ROR1: variants seen among roughly 807,000 people sequenced by gnomAD.
ROR1 encodes the protein ROR family WNT receptor 1.
In ROR1, 19 loss-of-function variants were observed where a neutral mutation model predicts 78.8. The ratio of observed to expected loss-of-function variants is 0.24; its 90% CI spans 0.17 to 0.35. The LOEUF is 0.35. Among genes scored for constraint, ROR1 ranks in the 10% least tolerant of loss-of-function variants. The pLI, the probability that ROR1 is intolerant of heterozygous loss-of-function variation, is 1.00. For synonymous variants in ROR1, 386 were observed against 433.6 expected (o/e 0.89, Z 1.36); for missense variants, 917 against 1,177.8 (o/e 0.78, Z 3.24).
chr1:63,805,267 C>T (rs969890620), intron 1 of ROR1, among the ~76,000 whole-genome samples: 4 of 152,170 alleles, frequency 2.6e-5, no homozygotes, highest in African/African-American at 4.8e-5. Context: ...CAGGCTTGGC[C>T]GTGGGTGTAG....
chr1:63,944,204 C>A (rs569718606), intron 1 of ROR1, among the ~76,000 whole-genome samples: 2 of 152,168 alleles, frequency 1.3e-5, no homozygotes, highest in African/African-American at 2.4e-5. Flanking sequence ...AAAGAACCTA[C>A]TTCCCAGGAG....
At chr1:64,092,131 G>A (rs897595473) in intron 4 of ROR1, among the ~76,000 whole-genome samples, 2 of 105,892 alleles carry the variant, frequency 1.9e-5, no homozygotes, top group African/African-American at 7.1e-5. Context: ...CTTCCTCCCT[G>A]CATGCCTCCC....
At chr1:63,941,176 A>G (rs1645836505) in intron 1 of ROR1, among the ~76,000 whole-genome samples, 1 of 152,218 alleles carries the variant, frequency 6.6e-6, no homozygotes, top group Admixed American at 6.5e-5. Context: ...TCTGAAGTAC[A>G]TTATTGAAAC....
intron 4 of ROR1, among the ~76,000 whole-genome samples, chr1:64,104,971 A>G (rs1647735826): frequency 6.6e-6 from 1 of 152,218 alleles, no homozygotes; most frequent in Non-Finnish European, 1.5e-5. Context: ...CTTTGGGCAT[A>G]TACCCAGTAA....
intron 5 of ROR1, among the ~76,000 whole-genome samples, chr1:64,138,383 C>T (rs193030134): frequency 1.3e-5 from 2 of 152,028 alleles, no homozygotes; most frequent in East Asian, 1.9e-4. Flanking sequence ...AAAATGTAAC[C>T]GTTGTCTTTT....
At chr1:63,815,163 C>A (rs1473788558) in intron 1 of ROR1, among the ~76,000 whole-genome samples, 2 of 152,318 alleles carry the variant, frequency 1.3e-5, no homozygotes, top group East Asian at 3.9e-4. Flanking sequence ...CTGACCCTCC[C>A]TCAACAGCCC....
intron 1 of ROR1, among the ~76,000 whole-genome samples, chr1:63,834,847 G>A (rs1645010650): frequency 6.6e-6 from 1 of 152,058 alleles, no homozygotes; most frequent in Non-Finnish European, 1.5e-5. Flanking sequence ...AGAAGGAATT[G>A]GTCTGCACTG....
chr1:64,127,840 A>G (rs962304531), intron 4 of ROR1, among the ~76,000 whole-genome samples: 1 of 152,208 alleles, frequency 6.6e-6, no homozygotes. Flanking sequence ...AATCTCATAC[A>G]GGCATTCTAA....
At position 63,963,571 on chromosome 1, in the gene ROR1, AAAAACAAAAC is replaced by A. The variant is rs1646049809; in HGVS notation, c.92-45724_92-45715del. 2.0e-5 allele frequency among the ~76,000 whole-genome samples: 3 copies of A among 151,092 alleles called. No homozygotes were observed. The South Asian group carries it at 6.3e-4, about 31-fold the overall frequency. On this transcript the variant is annotated intron_variant, in intron 1 of 8. Coordinates refer to ENST00000371079, the MANE Select transcript of ROR1 (RefSeq NM_005012.4). ...GTGACAGAGCAAGACTCTGTCTCAA[AAAAACAAAAC>A]AAAACAAAAAAAAAAACAAAACAAA...
At chr1:64,135,026 A>G (rs1411671504) in intron 4 of ROR1, among the ~76,000 whole-genome samples, 1 of 151,994 alleles carries the variant, frequency 6.6e-6, no homozygotes, top group East Asian at 1.9e-4. Flanking sequence ...TGCCAAGGCG[A>G]TTCTCATAAG....
chr1:64,015,519 C>T lies in ROR1; in HGVS notation c.163+6143C>T, dbSNP rs376685582. Among the ~76,000 whole-genome samples the T allele has an allele frequency of 2.0e-4, 31 of 152,298 alleles. 2 individuals are homozygous for T. Among genetic ancestry groups the T allele is most frequent in the Admixed American group, 1.1e-3 (17 of 15,294 alleles). On this transcript the variant is annotated intron_variant, in intron 2 of 8. Coordinates refer to ENST00000371079, the MANE Select transcript of ROR1 (RefSeq NM_005012.4). ...TCCCCACTCTGTTACTTGATTTGTC[C>T]TTGGCACATGGTCTATTTAAATGGT... is the stretch of plus-strand genomic sequence containing the variant.
chr1:63,897,774 CT>C (rs1253948596), intron 1 of ROR1, among the ~76,000 whole-genome samples: 1 of 152,194 alleles, frequency 6.6e-6, no homozygotes, highest in African/African-American at 2.4e-5. Flanking sequence ...TTAATACTAG[CT>C]GTCATAACTG....
chr1:63,855,413 C>T (rs1645141793), intron 1 of ROR1, among the ~76,000 whole-genome samples: 2 of 152,170 alleles, frequency 1.3e-5, no homozygotes. Context: ...TCGCTCCTCT[C>T]CTTTGGGGGC....
At chr1:63,868,324 T>C (rs1292461123) in intron 1 of ROR1, among the ~76,000 whole-genome samples, 3 of 152,032 alleles carry the variant, frequency 2.0e-5, no homozygotes, top group African/African-American at 4.8e-5. Flanking sequence ...CATCAATGAG[T>C]GTGCGATGAC....
intron 4 of ROR1, among the ~76,000 whole-genome samples, chr1:64,135,240 G>GA (rs958939558): frequency 6.6e-6 from 1 of 151,948 alleles, no homozygotes. Flanking sequence ...ATTTTATTCT[G>GA]AAAAAAAGTA....
chr1:63,854,010 C>G (rs1645132780), intron 1 of ROR1, among the ~76,000 whole-genome samples: 1 of 152,152 alleles, frequency 6.6e-6, no homozygotes, highest in African/African-American at 2.4e-5. Context: ...CTTACTCTTT[C>G]TGGATCTCAG....
At chr1:63,791,293 C>T (rs1249032087) in intron 1 of ROR1, among the ~76,000 whole-genome samples, 2 of 152,082 alleles carry the variant, frequency 1.3e-5, no homozygotes, top group African/African-American at 2.4e-5. Context: ...GCAGCCAATG[C>T]AGGCTCCTGT....
chr1:64,133,363 A>C (rs937905801), intron 4 of ROR1, among the ~76,000 whole-genome samples: 5 of 152,206 alleles, frequency 3.3e-5, no homozygotes, highest in African/African-American at 1.2e-4. Flanking sequence ...TCTGCAGAAC[A>C]GCATTTCCTT....
intron 4 of ROR1, among the ~76,000 whole-genome samples, chr1:64,066,091 A>G (rs1287918322): frequency 6.6e-6 from 1 of 152,122 alleles, no homozygotes; most frequent in Admixed American, 6.5e-5. Context: ...CTATTACTTC[A>G]GTGGATGGCC....
Sources: gnomAD v4.1 joint callset for allele counts (sites outside exome capture counted in the v4.1 genomes callset) on GRCh38, gnomAD v4.1.1 for gene constraint, MANE v1.5 for transcripts, NCBI Gene and HGNC (gene_info 2026-07-23, HGNC 2026-07-21) for gene names.